HSPA12A: variants seen among roughly 807,000 people sequenced by gnomAD.
The protein encoded by HSPA12A is heat shock 70 kDa protein 12A.
HSPA12A carries 28 observed loss-of-function variants against 69.2 expected under a neutral mutation model. The ratio of observed to expected loss-of-function variants is 0.40; its 90% CI spans 0.30 to 0.55. HSPA12A has a LOEUF of 0.55. Ranked by LOEUF, HSPA12A falls within the 20% of genes least tolerant of loss-of-function variation. HSPA12A has a pLI of 0.38. For missense variants in HSPA12A, 686 were observed against 900.7 expected, an observed-to-expected ratio of 0.76 and a Z score of 3.05; for synonymous variants, 345 against 370.5, an observed-to-expected ratio of 0.93 and a Z score of 0.79.
intron 1 of HSPA12A, among the ~76,000 whole-genome samples, chr10:116,716,149 G>C (rs1554883756): frequency 6.6e-6 from 1 of 152,076 alleles, no homozygotes; most frequent in African/African-American, 2.4e-5. Flanking sequence ...CCTCAGAGGA[G>C]GTGGGGGTGG....
intron 2 of HSPA12A, among the ~76,000 whole-genome samples, chr10:116,779,230 G>C (rs1844408867): frequency 6.6e-6 from 1 of 152,196 alleles, no homozygotes; most frequent in Non-Finnish European, 1.5e-5. Context: ...ATGAGTCACT[G>C]CCAACACGGA....
chr10:116,720,134 A>G (rs1850728194), intron 1 of HSPA12A, among the ~76,000 whole-genome samples: 2 of 152,354 alleles, frequency 1.3e-5, no homozygotes, highest in Middle Eastern at 3.4e-3. Context: ...TTATATCTCA[A>G]TTAAAAACAA....
At chr10:116,730,973 G>T (rs1181239918) in intron 1 of HSPA12A, among the ~76,000 whole-genome samples, 23 of 152,206 alleles carry the variant, frequency 1.5e-4, no homozygotes, top group Admixed American at 1.5e-3. Context: ...GCTTGGACAG[G>T]CAGGAATCAG....
At position 116,701,242 on chromosome 10, in the gene HSPA12A, G is replaced by A. The variant is rs185689423; in HGVS notation, c.255-113C>T. The A allele has an allele frequency of 8.6e-5, 83 of 967,642 alleles. 2 individuals are homozygous for A. Among genetic ancestry groups the A allele is most frequent in the Non-Finnish European group, 6.2e-6 (4 of 642,140 alleles). The allele number at this position is 967,642 out of a possible 1,614,324, so 59.9% of individuals were successfully genotyped here. On this transcript the variant is annotated intron_variant, in intron 3 of 11. Transcript: ENST00000369209. ...AGTGTCAGTAATGTGGGTGCCCAGA[G>A]GCACTCTGCTTCAGCTGGATGAGCA...
Position 116,683,938 on chromosome 10 carries a change from A to C in HSPA12A, c.688T>G (p.Ser230Ala). ...YQAGLASPEN[S>A]EQLIIALEPE... ...TCCAAGGCAATGATGAGCTGCTCCG[A>C]GTTCTCGGGGGAGGCCAGGCCTGCC... The change falls in exon 7 of 12, where the codon TCG (serine) becomes GCG (alanine). Residue 230 changes from serine (S) to alanine (A), a missense_variant. Coordinates refer to ENST00000369209, the MANE Select transcript of HSPA12A (RefSeq NM_025015.3). 6.3e-7 allele frequency: 1 copy of C among 1,581,172 alleles called. No homozygotes were observed. Among genetic ancestry groups the C allele is most frequent in the Non-Finnish European group, 8.7e-7 (1 of 1,155,824 alleles).
At chr10:116,774,154 C>A (rs1020404925) in intron 2 of HSPA12A, among the ~76,000 whole-genome samples, 1 of 151,456 alleles carries the variant, frequency 6.6e-6, no homozygotes, top group African/African-American at 2.4e-5. Context: ...GGACTACAGG[C>A]GCCCGCCACT....
At chr10:116,815,135 T>G (rs1845272030) in intron 2 of HSPA12A, among the ~76,000 whole-genome samples, 1 of 152,012 alleles carries the variant, frequency 6.6e-6, no homozygotes, top group Non-Finnish European at 1.5e-5. Context: ...CTTTTCTTAT[T>G]TCTGAGATAT....
rs1554884974 is a variant in HSPA12A, at chr10:116,726,027, G to GCACACGCA, written c.40+16402_40+16403insTGCGTGTG. Among the ~76,000 whole-genome samples the GCACACGCA allele has an allele frequency of 2.7e-5, 4 of 146,114 alleles. No homozygotes were observed. In the East Asian group the frequency reaches 8.3e-4, roughly 30 times the overall value. On this transcript the variant is annotated intron_variant, in intron 1 of 11. Transcript: ENST00000369209. The stretch of plus-strand genomic sequence containing the variant: ...ACAAGGTTTAGACACACACACACAC[G>GCACACGCA]CACACACACACACACACACACACAC...
At chr10:116,678,725 C>T (rs1849315582) in intron 10 of HSPA12A, among the ~76,000 whole-genome samples, 1 of 152,032 alleles carries the variant, frequency 6.6e-6, no homozygotes, top group African/African-American at 2.4e-5. Context: ...GAGGTACATA[C>T]TGAAATAGAT....
chr10:116,844,984 T>C (rs1039062110), intron 1 of HSPA12A, among the ~76,000 whole-genome samples: 3 of 152,208 alleles, frequency 2.0e-5, no homozygotes, highest in Admixed American at 2.0e-4. Context: ...AGTTAGCAGA[T>C]TGCAATAGAT....
At chr10:116,799,563 C>T (rs1272787151) in intron 2 of HSPA12A, among the ~76,000 whole-genome samples, 1 of 152,168 alleles carries the variant, frequency 6.6e-6, no homozygotes, top group Non-Finnish European at 1.5e-5. Flanking sequence ...CTTACAAGGC[C>T]TGGTGCCATG....
intron 2 of HSPA12A, among the ~76,000 whole-genome samples, chr10:116,819,245 C>T (rs1024039503): frequency 2.6e-5 from 4 of 152,178 alleles, no homozygotes; most frequent in African/African-American, 4.8e-5. Context: ...CCCTTGTGCC[C>T]CTCTCATCTG....
In HSPA12A at chr10:116,742,427, C is replaced by A; in HGVS notation, c.40+3G>T. ...GGCCGCAGGACCCGCAGCCTGCGCTCACCTCGGGGCCCGTCGCTGCCGCCG... is the reference window on the plus strand; with the variant it reads ...GGCCGCAGGACCCGCAGCCTGCGCTAACCTCGGGGCCCGTCGCTGCCGCCG... On this transcript the variant is annotated splice_donor_region_variant and intron_variant, in intron 1 of 11. Transcript: ENST00000369209. The A allele has an allele frequency of 7.0e-7, 1 of 1,429,860 alleles. No individual in the cohort carries two copies. The highest frequency in any genetic ancestry group is 9.1e-7 in the Non-Finnish European group (1 of 1,093,174). 88.6% of individuals were successfully genotyped at this position (1,429,860 alleles called of 1,614,324 possible).
At chr10:116,769,894 C>A (rs1365916495) in intron 2 of HSPA12A, among the ~76,000 whole-genome samples, 1 of 152,158 alleles carries the variant, frequency 6.6e-6, no homozygotes, top group Non-Finnish European at 1.5e-5. Context: ...CAAGTGCAGG[C>A]CTCGGCTCCT....
At chr10:116,713,250 C>T (rs186424136) in intron 1 of HSPA12A, among the ~76,000 whole-genome samples, 189 of 151,972 alleles carry the variant, frequency 1.2e-3, no homozygotes, top group African/African-American at 4.3e-3. Context: ...GCTAGCTGAA[C>T]TAATGCATTA....
rs1849078463 is a variant in HSPA12A, at chr10:116,671,553, G to C, written c.*3228C>G. ...TCTTTGCTACCCTGGCAATTAACCA[G>C]ACCTGGACTCTAAAAGCTAAACTTG... On this transcript the variant is annotated 3_prime_UTR_variant, in exon 12 of 12. Transcript: ENST00000369209. 1 of 152,584 alleles carries C rather than the reference G, an allele frequency of 6.6e-6. No homozygotes were observed. Among genetic ancestry groups the C allele is most frequent in the African/African-American group, 2.4e-5 (1 of 41,442 alleles). The allele number at this position is 152,584 out of a possible 1,614,324, so 9.5% of individuals were successfully genotyped here. A position where few individuals can be genotyped will look rare whatever the true frequency, so the allele number is the denominator to read the frequency against.
chr10:116,815,531 C>T (rs1845286775), intron 2 of HSPA12A, among the ~76,000 whole-genome samples: 1 of 152,120 alleles, frequency 6.6e-6, no homozygotes, highest in Admixed American at 6.5e-5. Context: ...GCCGAGATCA[C>T]GTCACTGCAC....
intron 2 of HSPA12A, among the ~76,000 whole-genome samples, chr10:116,822,633 G>T (rs1845426462): frequency 6.6e-6 from 1 of 152,168 alleles, no homozygotes; most frequent in Non-Finnish European, 1.5e-5. Context: ...GTTCTTCAGA[G>T]GCTACAATTT....
chr10:116,773,403 G>C (rs962847513), intron 2 of HSPA12A, among the ~76,000 whole-genome samples: 1 of 152,240 alleles, frequency 6.6e-6, no homozygotes, highest in Admixed American at 6.5e-5. Context: ...ACAGCCTAGC[G>C]GGCAGACAGG....
Sources: gnomAD v4.1 joint callset for allele counts (sites outside exome capture counted in the v4.1 genomes callset) on GRCh38, gnomAD v4.1.1 for gene constraint, MANE v1.5 for transcripts, NCBI Gene and HGNC (gene_info 2026-07-23, HGNC 2026-07-21) for gene names.